KYAT3: variants seen among roughly 807,000 people sequenced by gnomAD.
The protein encoded by KYAT3 is kynurenine--oxoglutarate transaminase 3.
In KYAT3, 50 loss-of-function variants were observed where a neutral mutation model predicts 59.0. That is an observed-to-expected ratio of 0.85 (90% confidence interval 0.68 to 1.07). KYAT3 has a LOEUF of 1.07. Ranked by LOEUF, KYAT3 falls within the 50% of genes least tolerant of loss-of-function variation. The probability of loss-of-function intolerance (pLI) is 0.00; values close to 1 mark genes in which losing one functional copy is unlikely to be tolerated. For missense variants in KYAT3, 497 were observed against 533.3 expected (o/e 0.93, Z 0.67); for synonymous variants, 148 against 177.0 (o/e 0.84, Z 1.30).
At chr1:88,944,992 C>T (rs970159737) in intron 11 of KYAT3, among the ~76,000 whole-genome samples, 18 of 151,992 alleles carry the variant, frequency 1.2e-4, no homozygotes, top group African/African-American at 4.1e-4. Context: ...TACAGGTATG[C>T]GCCACCACAC....
chr1:88,945,770 T>C (rs1283602175), intron 11 of KYAT3, among the ~76,000 whole-genome samples: 1 of 152,214 alleles, frequency 6.6e-6, no homozygotes, highest in Non-Finnish European at 1.5e-5. Flanking sequence ...GGGCCAACTT[T>C]TAGTATATGG....
chr1:88,927,644 A>G, the KYAT3 span, among the ~76,000 whole-genome samples: 143 of 152,256 alleles, frequency 9.4e-4, no homozygotes, highest in African/African-American at 3.4e-3. Flanking sequence ...AAAGAGTACC[A>G]GTATTCCCCG....
At chr1:88,986,840 G>A (rs1490989911) in intron 2 of KYAT3, among the ~76,000 whole-genome samples, 1 of 152,028 alleles carries the variant, frequency 6.6e-6, no homozygotes, top group South Asian at 2.1e-4. Context: ...TTGTAACACT[G>A]GCCAGTGTTT....
chr1:88,968,223 T>A (rs1570809516), intron 4 of KYAT3, among the ~76,000 whole-genome samples: 1 of 152,316 alleles, frequency 6.6e-6, no homozygotes, highest in East Asian at 1.9e-4. Context: ...AGTCTACAGT[T>A]CAAAGGTACG....
intron 2 of KYAT3, among the ~76,000 whole-genome samples, chr1:88,986,652 T>C (rs1161512434): frequency 6.6e-6 from 1 of 152,098 alleles, no homozygotes; most frequent in Admixed American, 6.5e-5. Flanking sequence ...AAAATGTTTT[T>C]GTAAAAAAGC....
At chr1:88,976,610 TA>T (rs1394205244) in intron 2 of KYAT3, among the ~76,000 whole-genome samples, 1 of 151,974 alleles carries the variant, frequency 6.6e-6, no homozygotes, top group Non-Finnish European at 1.5e-5. Context: ...CCTTACTTAT[TA>T]AAAAAAAGTT....
chr1:88,965,636 C>T (rs969510567), intron 4 of KYAT3, among the ~76,000 whole-genome samples: 2 of 152,184 alleles, frequency 1.3e-5, no homozygotes, highest in African/African-American at 4.8e-5. Context: ...CCTAAGTTCT[C>T]TTCTAGGCTC....
chr1:88,942,312 C>T (rs144827240), intron 13 of KYAT3, among the ~76,000 whole-genome samples: 55 of 151,808 alleles, frequency 3.6e-4, no homozygotes, highest in African/African-American at 1.2e-3. Flanking sequence ...ATTATTACCA[C>T]GTTTTCATCT....
At position 88,961,178 on chromosome 1, in the gene KYAT3, T is replaced by C. The variant is rs779817670; in HGVS notation, c.776A>G (p.His259Arg). ...YEWLVYSGNK[H>R]LKIATFPGMW... ...GTTATAGTTGGTACCTATTTTTAAGTGCTTATTTCCAGAATATACAAGCCA... is the reference window on the plus strand; with the variant it reads ...GTTATAGTTGGTACCTATTTTTAAGCGCTTATTTCCAGAATATACAAGCCA... Residue 259 changes from histidine to arginine, a missense_variant, in exon 8 of 14, where the codon CAC becomes CGC. This residue lies in a region of KYAT3 where 469 missense variants were observed against 479.1 expected (regional missense o/e 0.98). Coordinates refer to ENST00000260508, the MANE Select transcript of KYAT3 (RefSeq NM_001008661.3). The C allele has an allele frequency of 1.2e-5, 19 of 1,613,324 alleles. No homozygotes were observed. In the Admixed American group the frequency reaches 3.0e-4, roughly 25 times the overall value.
Position 88,935,987 on chromosome 1 carries a change from T to C in KYAT3, c.*196A>G, listed in dbSNP as rs981766370. The C allele has an allele frequency of 2.0e-5, 10 of 505,758 alleles. No homozygotes were observed. The highest frequency in any genetic ancestry group is 3.6e-5 in the Non-Finnish European group (10 of 280,404). 31.3% of individuals were successfully genotyped at this position (505,758 alleles called of 1,614,324 possible). A position where few individuals can be genotyped will look rare whatever the true frequency, so the allele number is the denominator to read the frequency against. On this transcript the variant is annotated 3_prime_UTR_variant, in exon 14 of 14. Coordinates refer to ENST00000260508, the MANE Select transcript of KYAT3 (RefSeq NM_001008661.3). ...AAAATGATTGTGGAAGGTGTGTTAA[T>C]ACATTTCAACTGGAAAAAAAAGGTC...
chr1:88,936,913 C>T (rs539019996), intron 13 of KYAT3, among the ~76,000 whole-genome samples: 12 of 152,332 alleles, frequency 7.9e-5, no homozygotes, highest in Non-Finnish European at 1.5e-5. Context: ...CTGAGCAAAG[C>T]GGCTGTCCAT....
At chr1:88,924,247 C>T in the KYAT3 span, among the ~76,000 whole-genome samples, 2 of 152,220 alleles carry the variant, frequency 1.3e-5, no homozygotes. Context: ...CATGGACTGA[C>T]AGGGTTAGGA....
chr1:88,971,073 T>C (rs1039149367), intron 2 of KYAT3, among the ~76,000 whole-genome samples: 4 of 152,228 alleles, frequency 2.6e-5, no homozygotes, highest in Non-Finnish European at 4.4e-5. Context: ...AGTTCTAGCA[T>C]GATAGGTTGA....
chr1:88,936,644 A>G (rs1446685466), intron 13 of KYAT3, among the ~76,000 whole-genome samples: 1 of 149,690 alleles, frequency 6.7e-6, no homozygotes, highest in Non-Finnish European at 1.5e-5. Context: ...ATTATCTACT[A>G]TATCTATACT....
chr1:88,988,229 A>T, intron 2 of KYAT3, 23 bp downstream of exon 2: 1 of 1,486,010 alleles, frequency 6.7e-7, no homozygotes, highest in Non-Finnish European at 9.4e-7. Flanking sequence ...ACAATAATTT[A>T]TCTGTAAGTA....
At chr1:88,984,276 G>A (rs1226620455) in intron 2 of KYAT3, among the ~76,000 whole-genome samples, 3 of 137,240 alleles carry the variant, frequency 2.2e-5, no homozygotes, top group Non-Finnish European at 3.0e-5. Flanking sequence ...GTGCAGCGGC[G>A]CAATCTTGGC....
chr1:88,982,804 A>G (rs1677167836), intron 2 of KYAT3: 1 of 1,613,886 alleles, frequency 6.2e-7, no homozygotes, highest in African/African-American at 1.3e-5. Flanking sequence ...CTTGTCTGCC[A>G]ACCCTGTCAC....
chr1:88,978,690 T>G (rs1676919921), intron 2 of KYAT3, among the ~76,000 whole-genome samples: 1 of 151,272 alleles, frequency 6.6e-6, no homozygotes, highest in Non-Finnish European at 1.5e-5. Context: ...TTTTTTTTTT[T>G]GGTAGAGATA....
chr1:88,988,797 A>G (rs913598964), intron 1 of KYAT3, among the ~76,000 whole-genome samples: 2 of 152,238 alleles, frequency 1.3e-5, no homozygotes, highest in Non-Finnish European at 2.9e-5. Flanking sequence ...AGAAACAGTT[A>G]TTTAAAAAGT....
Sources: gnomAD v4.1 joint callset for allele counts (sites outside exome capture counted in the v4.1 genomes callset) on GRCh38, gnomAD v4.1.1 for gene constraint, gnomAD v4.1.1 regional missense constraint, MANE v1.5 for transcripts, NCBI Gene and HGNC (gene_info 2026-07-23, HGNC 2026-07-21) for gene names.